The following PSPC1 variants were observed in gnomAD, a reference collection of about 807,000 sequenced individuals.
PSPC1 encodes the protein paraspeckle protein 1.
A neutral mutation model predicts 51.6 loss-of-function variants in PSPC1; 14 were observed. The ratio of observed to expected loss-of-function variants is 0.27; its 90% CI spans 0.18 to 0.42. The LOEUF is 0.42. Ranked by LOEUF, PSPC1 falls within the 10% of genes least tolerant of loss-of-function variation. PSPC1 has a pLI of 1.00. For synonymous variants in PSPC1, 193 were observed against 231.9 expected (o/e 0.83, Z 1.53); for missense variants, 406 against 701.1 (o/e 0.58, Z 4.75).
intron 6 of PSPC1, among the ~76,000 whole-genome samples, chr13:19,710,795 C>G (rs1881295341): frequency 6.6e-6 from 1 of 152,016 alleles, no homozygotes; most frequent in African/African-American, 2.4e-5. Flanking sequence ...AAAATGCTTT[C>G]TCACATTATT....
chr13:19,692,498 C>T lies in PSPC1; in HGVS notation c.1159-14675G>A, dbSNP rs185899756. ...AAAACAGGACGAGTTAGGAATGTATCATAGTCATCTTTGGTGACAGATGGT... is the reference window on the plus strand; with the variant it reads ...AAAACAGGACGAGTTAGGAATGTATTATAGTCATCTTTGGTGACAGATGGT... On this transcript the variant is annotated intron_variant and NMD_transcript_variant, in intron 6 of 7. Transcript: ENST00000471658. Among the ~76,000 whole-genome samples, 19 of 152,292 alleles carry T rather than the reference C, an allele frequency of 1.2e-4. 1 individual carries two copies. In the East Asian group the frequency reaches 3.7e-3, roughly 29 times the overall value.
chr13:19,781,621 G>C (rs1179502692), intron 1 of PSPC1, among the ~76,000 whole-genome samples: 1 of 152,024 alleles, frequency 6.6e-6, no homozygotes, highest in Admixed American at 6.6e-5. Flanking sequence ...AGATTAAACG[G>C]TGTTACTTGA....
rs757707556 is a variant in PSPC1 at position 19,703,137 on chromosome 13, A to G, written c.*38T>C. ...GTAAAAGTATAAAGGCATACCACTGACTTTTTTTTTTCTAGATAGCCAGGA... is the reference window on the plus strand; with the variant it reads ...GTAAAAGTATAAAGGCATACCACTGGCTTTTTTTTTTCTAGATAGCCAGGA... On this transcript the variant is annotated 3_prime_UTR_variant, in exon 9 of 9. Transcript: ENST00000338910. The G allele has an allele frequency of 1.9e-6, 3 of 1,577,426 alleles. No individual in the cohort carries two copies. In the African/African-American group the frequency reaches 4.1e-5, roughly 21 times the overall value.
At chr13:19,770,114 A>G (rs554248357) in intron 2 of PSPC1, among the ~76,000 whole-genome samples, 3 of 152,252 alleles carry the variant, frequency 2.0e-5, no homozygotes, top group Admixed American at 1.3e-4. Flanking sequence ...AATACTATAC[A>G]CACAAAGATA....
intron 6 of PSPC1, among the ~76,000 whole-genome samples, chr13:19,710,835 A>C (rs1490181538): frequency 8.9e-6 from 1 of 112,330 alleles, no homozygotes; most frequent in African/African-American, 2.7e-5. Context: ...TCTTTCTAAA[A>C]AGCTTAATTT....
At chr13:19,737,326 T>TA (rs1414964898) in intron 5 of PSPC1, 1 of 152,220 alleles carries the variant, frequency 6.6e-6, no homozygotes, top group Admixed American at 6.5e-5. Flanking sequence ...TATTTCTCCT[T>TA]AGTCTCCAAC....
At chr13:19,677,478 G>A (rs1462993887) in intron 7 of PSPC1, among the ~76,000 whole-genome samples, 1 of 152,186 alleles carries the variant, frequency 6.6e-6, no homozygotes, top group Non-Finnish European at 1.5e-5. Flanking sequence ...AGGCGAAGCT[G>A]AGAGTCCCCT....
At chr13:19,781,423 A>T (rs535658930) in intron 1 of PSPC1, among the ~76,000 whole-genome samples, 2 of 152,124 alleles carry the variant, frequency 1.3e-5, no homozygotes, top group East Asian at 1.9e-4. Context: ...TTATTGGAAA[A>T]CTTTTCAAAG....
chr13:19,770,987 AAT>A (rs1197373010), intron 2 of PSPC1, among the ~76,000 whole-genome samples: 1 of 152,102 alleles, frequency 6.6e-6, no homozygotes, highest in African/African-American at 2.4e-5. Flanking sequence ...TTTCTTTTTA[AAT>A]AGAGACAGGG....
At chr13:19,712,240 T>C (rs1336035920) in intron 6 of PSPC1, among the ~76,000 whole-genome samples, 2 of 152,346 alleles carry the variant, frequency 1.3e-5, no homozygotes, top group Middle Eastern at 3.4e-3. Flanking sequence ...TTGTCTTCAC[T>C]ATGAAAGGTT....
intron 6 of PSPC1, among the ~76,000 whole-genome samples, chr13:19,721,792 A>T (rs1882799960): frequency 6.6e-6 from 1 of 152,212 alleles, no homozygotes; most frequent in Non-Finnish European, 1.5e-5. Context: ...TGAAGTAAAA[A>T]GTTAGGTGTG....
chr13:19,782,242 G>T lies in PSPC1; in HGVS notation c.372+144C>A, dbSNP rs1483050479. 1 of 1,311,436 alleles carries T rather than the reference G, an allele frequency of 7.6e-7. No homozygotes were observed. The highest frequency in any genetic ancestry group is 1.0e-6 in the Non-Finnish European group (1 of 994,676). The allele number at this position is 1,311,436 out of a possible 1,614,324, so 81.2% of individuals were successfully genotyped here. A position where few individuals can be genotyped will look rare whatever the true frequency, so the allele number is the denominator to read the frequency against. ...CCGAGCTGGGGAAGCGGCCAACCCC[G>T]CACAGAGGAATCGATGAGGCCGAGC... On this transcript the variant is annotated intron_variant, in intron 1 of 8. Coordinates refer to ENST00000338910, the MANE Select transcript of PSPC1 (RefSeq NM_001354909.2). The surrounding 1 kb of genome is among the most constrained non-coding windows in gnomAD (Gnocchi z 4.5).
chr13:19,779,751 G>A (rs1329715669), intron 1 of PSPC1, among the ~76,000 whole-genome samples: 14 of 80,288 alleles, frequency 1.7e-4, no homozygotes, highest in East Asian at 4.1e-4. Context: ...TCAGCCCTCC[G>A]CCCAGCCAGC....
chr13:19,714,755 A>C (rs1047434637), intron 6 of PSPC1, among the ~76,000 whole-genome samples: 4 of 152,112 alleles, frequency 2.6e-5, no homozygotes, highest in African/African-American at 9.7e-5. Context: ...TCAACCCCCC[A>C]AAGTGCTGTG....
chr13:19,770,179 A>G (rs1231897487), intron 2 of PSPC1, among the ~76,000 whole-genome samples: 1 of 152,194 alleles, frequency 6.6e-6, no homozygotes, highest in Non-Finnish European at 1.5e-5. Flanking sequence ...ACAGAAGAAT[A>G]CATACTATAT....
At chr13:19,707,245 T>C (rs1880802430) in intron 7 of PSPC1, among the ~76,000 whole-genome samples, 1 of 152,130 alleles carries the variant, frequency 6.6e-6, no homozygotes, top group African/African-American at 2.4e-5. Context: ...TATACAACTA[T>C]GGGTATAAAA....
chr13:19,731,210 T>C (rs1157086436), intron 5 of PSPC1, among the ~76,000 whole-genome samples: 2 of 152,150 alleles, frequency 1.3e-5, no homozygotes, highest in Non-Finnish European at 2.9e-5. Flanking sequence ...TTACGTGTTA[T>C]AGCATAAACA....
intron 4 of PSPC1, among the ~76,000 whole-genome samples, chr13:19,742,895 T>C (rs1185490717): frequency 6.8e-6 from 1 of 147,674 alleles, no homozygotes; most frequent in Non-Finnish European, 1.5e-5. Context: ...TAGCATGAAA[T>C]TCCTCCCTAA....
intron 6 of PSPC1, among the ~76,000 whole-genome samples, chr13:19,680,863 A>G (rs1309421275): frequency 4.6e-5 from 7 of 152,214 alleles, no homozygotes; most frequent in Non-Finnish European, 4.4e-5. Flanking sequence ...CATTTTTCAC[A>G]TAGTCAGAAA....
Sources: gnomAD v4.1 joint callset for allele counts (sites outside exome capture counted in the v4.1 genomes callset) on GRCh38, gnomAD v4.1.1 for gene constraint, Gnocchi (gnomAD v3.1) non-coding constraint, MANE v1.5 for transcripts, NCBI Gene and HGNC (gene_info 2026-07-23, HGNC 2026-07-21) for gene names.